HS3ST3A1: variants seen among roughly 807,000 people sequenced by gnomAD.
HS3ST3A1 encodes heparan sulfate-glucosamine 3-sulfotransferase 3A1.
HS3ST3A1 carries 19 observed loss-of-function variants against 25.7 expected under a neutral mutation model. That is an observed-to-expected ratio of 0.74 (90% CI 0.52 to 1.08). The LOEUF (loss-of-function observed/expected upper bound fraction) is 1.08, where lower values mean the gene tolerates loss of function less well. Ranked by LOEUF, HS3ST3A1 falls within the 50% of genes least tolerant of loss-of-function variation. The probability of loss-of-function intolerance (pLI) is 0.00; values close to 1 mark genes in which losing one functional copy is unlikely to be tolerated. For missense variants in HS3ST3A1, 459 were observed against 594.3 expected (o/e 0.77, Z 2.37); for synonymous variants, 226 against 278.6 (o/e 0.81, Z 1.88).
In HS3ST3A1 at chr17:13,496,397, A is replaced by C; in HGVS notation, c.1021T>G (p.Phe341Val). ...AAGCCCTTGGTCTTGTTGAAGTAGAAGTGCTTGTCCGTGATGATCCTCTTG... is the reference window on the plus strand; with the variant it reads ...AAGCCCTTGGTCTTGTTGAAGTAGACGTGCTTGTCCGTGATGATCCTCTTG... The part of the protein sequence containing the change: ...GLKRIITDKH[F>V]YFNKTKGFPC... Residue 341 changes from phenylalanine to valine, a missense_variant, in exon 2 of 2, where the codon TTC becomes GTC. By Grantham distance (50) the Phe-to-Val change is conservative. Transcript: ENST00000284110. The C allele has an allele frequency of 7.2e-7, 1 of 1,388,116 alleles. No homozygotes were observed. The highest frequency in any genetic ancestry group is 2.4e-5 in the East Asian group (1 of 42,054). 86.0% of individuals were successfully genotyped at this position (1,388,116 alleles called of 1,614,324 possible). A position where few individuals can be genotyped will look rare whatever the true frequency, so the allele number is the denominator to read the frequency against.
chr17:13,563,577 G>A (rs4399565), intron 1 of HS3ST3A1, among the ~76,000 whole-genome samples: 87,623 of 151,998 alleles, frequency 0.58, 25,462 homozygotes, highest in Middle Eastern at 0.61. Flanking sequence ...GAGCATGTAA[G>A]TTGTCCTCAT....
At chr17:13,507,175 C>T (rs1905711742) in intron 1 of HS3ST3A1, among the ~76,000 whole-genome samples, 1 of 151,862 alleles carries the variant, frequency 6.6e-6, no homozygotes. Context: ...GCCAGAAATT[C>T]AAGTTCAGGG....
intron 1 of HS3ST3A1, among the ~76,000 whole-genome samples, 165 bp downstream of exon 1, chr17:13,600,366 C>A (rs1908685877): frequency 1.3e-5 from 2 of 149,736 alleles, no homozygotes; most frequent in South Asian, 4.3e-4. Context: ...CATCCACTTC[C>A]CAGGAAGGAG....
At chr17:13,541,387 C>A (rs1906927680) in intron 1 of HS3ST3A1, among the ~76,000 whole-genome samples, 1 of 152,038 alleles carries the variant, frequency 6.6e-6, no homozygotes, top group Non-Finnish European at 1.5e-5. Context: ...AATTAAAGAC[C>A]CCATTTCCAC....
intron 1 of HS3ST3A1, among the ~76,000 whole-genome samples, chr17:13,546,546 G>T (rs1338328967): frequency 6.6e-6 from 1 of 152,204 alleles, no homozygotes; most frequent in African/African-American, 2.4e-5. Flanking sequence ...GATTACAGGC[G>T]TGAGCCACTG....
chr17:13,562,758 G>A (rs1355880695), intron 1 of HS3ST3A1, among the ~76,000 whole-genome samples: 1 of 152,082 alleles, frequency 6.6e-6, no homozygotes, highest in Non-Finnish European at 1.5e-5. Context: ...CAAATATCAA[G>A]GCACCCAGCT....
chr17:13,518,763 C>T (rs968275557), intron 1 of HS3ST3A1, among the ~76,000 whole-genome samples: 1 of 152,122 alleles, frequency 6.6e-6, no homozygotes, highest in African/African-American at 2.4e-5. Context: ...CCAGGAAAGC[C>T]CTCCCTAGGT....
chr17:13,498,858 G>A (rs1301859069), intron 1 of HS3ST3A1, among the ~76,000 whole-genome samples: 1 of 151,736 alleles, frequency 6.6e-6, no homozygotes, highest in African/African-American at 2.4e-5. Flanking sequence ...CCTGTGAATC[G>A]GCCTCTCATC....
chr17:13,502,474 T>C (rs538311683), intron 1 of HS3ST3A1, among the ~76,000 whole-genome samples: 2 of 152,202 alleles, frequency 1.3e-5, no homozygotes, highest in South Asian at 2.1e-4. Flanking sequence ...GTGCATCCGA[T>C]ATATGCAAGA....
intron 1 of HS3ST3A1, among the ~76,000 whole-genome samples, chr17:13,551,512 G>A (rs967595631): frequency 5.3e-5 from 8 of 150,738 alleles, no homozygotes; most frequent in African/African-American, 1.5e-4. Flanking sequence ...CCATATCACT[G>A]TCCTGTTCAG....
chr17:13,600,686 G>C lies in HS3ST3A1; in HGVS notation c.444C>G (p.Gly148=), dbSNP rs758817855. The stretch of plus-strand genomic sequence containing the variant: ...TGATGGCCTGCGGCAGCTGCTTGCT[G>C]CCTTCGTCCAGGAGCAGCGCCAGGG... ...PGTLALLLDE[G]SKQLPQAIII... The change falls in exon 1 of 2, where the codon GGC becomes GGG. Residue 148 remains glycine (G), a synonymous_variant. Coordinates refer to ENST00000284110, the MANE Select transcript of HS3ST3A1 (RefSeq NM_006042.3). 2.5e-6 allele frequency: 4 copies of C among 1,581,842 alleles called. No homozygotes were observed. The East Asian group carries it at 9.1e-5, about 36-fold the overall frequency.
At position 13,522,853 on chromosome 17, in the gene HS3ST3A1, G is replaced by GAC. The variant is rs374742145; in HGVS notation, c.600-26037_600-26036dup. ...CACACACACCACACACACACAGAGA[G>GAC]ACACACACACACACACACACACACA... On this transcript the variant is annotated intron_variant, in intron 1 of 1. Transcript: ENST00000284110. Among the ~76,000 whole-genome samples, 907 of 148,306 alleles carry GAC rather than the reference G, an allele frequency of 6.1e-3. 9 individuals are homozygous for GAC. The highest frequency in any genetic ancestry group is 0.011 in the East Asian group (55 of 5,010).
intron 1 of HS3ST3A1, among the ~76,000 whole-genome samples, chr17:13,581,418 G>C (rs963107578): frequency 6.8e-6 from 1 of 146,848 alleles, no homozygotes; most frequent in South Asian, 2.2e-4. Flanking sequence ...AGTGGGCTGA[G>C]ATCGAGCCAC....
At chr17:13,533,529 T>TTTTTTTTTTTTTTTTTTTTTTTTGG (rs1555538883) in intron 1 of HS3ST3A1, among the ~76,000 whole-genome samples, 1 of 150,950 alleles carries the variant, frequency 6.6e-6, no homozygotes, top group Admixed American at 6.6e-5. Flanking sequence ...TTACTAATTT[T>TTTTTTTTTTTTTTTTTTTTTTTTGG]TAAGGCAACT....
intron 1 of HS3ST3A1, among the ~76,000 whole-genome samples, chr17:13,541,665 A>G (rs2142345044): frequency 6.6e-6 from 1 of 152,206 alleles, no homozygotes; most frequent in South Asian, 2.1e-4. Context: ...GTAGAATCAT[A>G]CCCTTTGCCT....
At chr17:13,524,926 T>C (rs2142323599) in intron 1 of HS3ST3A1, among the ~76,000 whole-genome samples, 1 of 152,356 alleles carries the variant, frequency 6.6e-6, no homozygotes, top group Middle Eastern at 3.4e-3. Context: ...GGTTCATAAA[T>C]ATTAAGCTAT....
chr17:13,503,614 C>T (rs1231941128), intron 1 of HS3ST3A1, among the ~76,000 whole-genome samples: 2 of 152,120 alleles, frequency 1.3e-5, no homozygotes, highest in Non-Finnish European at 2.9e-5. Context: ...TCAATAAACA[C>T]ACGAGAAGGC....
intron 1 of HS3ST3A1, among the ~76,000 whole-genome samples, chr17:13,594,655 A>G (rs1411846679): frequency 6.6e-6 from 1 of 152,226 alleles, no homozygotes; most frequent in Non-Finnish European, 1.5e-5. Flanking sequence ...GGCATTTTTA[A>G]TATAAATCCC....
intron 1 of HS3ST3A1, among the ~76,000 whole-genome samples, chr17:13,527,206 G>T (rs1349743785): frequency 6.6e-6 from 1 of 151,954 alleles, no homozygotes; most frequent in Non-Finnish European, 1.5e-5. Flanking sequence ...CCTTTAAACT[G>T]ATTTTTTTTC....
Sources: gnomAD v4.1 joint callset for allele counts (sites outside exome capture counted in the v4.1 genomes callset) on GRCh38, gnomAD v4.1.1 for gene constraint, MANE v1.5 for transcripts, NCBI Gene and HGNC (gene_info 2026-07-23, HGNC 2026-07-21) for gene names.